Variants in GPR139 observed in about 807,000 individuals in gnomAD.
The protein encoded by GPR139 is G protein-coupled receptor 139.
GPR139 carries 12 observed loss-of-function variants against 25.8 expected under a neutral mutation model. The observed-to-expected ratio is 0.47, with a 90% CI of 0.30 to 0.75. The LOEUF (loss-of-function observed/expected upper bound fraction) is 0.75, where lower values mean the gene tolerates loss of function less well. Among genes scored for constraint, GPR139 ranks in the 30% least tolerant of loss-of-function variants. The pLI is 0.07. For missense variants in GPR139, 380 were observed against 450.2 expected (o/e 0.84, Z 1.41); for synonymous variants, 184 against 179.9 (o/e 1.02, Z -0.18).
chr16:20,070,991 C>T (rs2057457667), intron 1 of GPR139: 1 of 985,378 alleles, frequency 1.0e-6, no homozygotes, highest in Non-Finnish European at 1.2e-6. Flanking sequence ...AAGCAGACCG[C>T]CCTCCTTACA....
chr16:20,032,547 C>T lies in GPR139; in HGVS notation c.250G>A (p.Asp84Asn), dbSNP rs777082356. 1.2e-6 allele frequency: 2 copies of T among 1,614,024 alleles called. No individual in the cohort carries two copies. Among genetic ancestry groups the T allele is most frequent in the East Asian group, 4.5e-5 (2 of 44,884 alleles). Residue 84 changes from aspartate (D) to asparagine (N), a missense_variant, in exon 2 of 2, where the codon GAC becomes AAC. Physicochemically the swap from Asp to Asn is conservative, Grantham distance 23. Coordinates refer to ENST00000570682, the MANE Select transcript of GPR139 (RefSeq NM_001002911.4). ...AAGATGAAATCTTCCAACAGGAAGT[C>T]CACAAACACTATGAAAAAGAGGACC... ...ILVLFFIVFV[D>N]FLLEDFILNM... is the part of the protein sequence containing the mutation.
intron 1 of GPR139, among the ~76,000 whole-genome samples, chr16:20,052,788 C>CAAAAAAAA (rs56189908): frequency 3.2e-3 from 388 of 121,896 alleles, no homozygotes; most frequent in African/African-American, 0.01. Flanking sequence ...GACTCCATCT[C>CAAAAAAAA]AAAAAAAAAA....
At position 20,031,587 on chromosome 16, in the gene GPR139, T is replaced by C; in HGVS notation, c.*148A>G. ...CTCTCCTTTCTTCTCTTCCATCTCTTCTCATCTACCAGTCTGAGAATTGCC... is the reference window on the plus strand; with the variant it reads ...CTCTCCTTTCTTCTCTTCCATCTCTCCTCATCTACCAGTCTGAGAATTGCC... On this transcript the variant is annotated 3_prime_UTR_variant, in exon 2 of 2. Transcript: ENST00000570682. The C allele has an allele frequency of 1.5e-6, 1 of 654,736 alleles. No homozygotes were observed. The highest frequency in any genetic ancestry group is 2.7e-6 in the Non-Finnish European group (1 of 365,354). The allele number at this position is 654,736 out of a possible 1,614,324, so 40.6% of individuals were successfully genotyped here.
chr16:20,073,477 C>A lies in GPR139; in HGVS notation c.127+13G>T. 1 of 1,610,062 alleles carries A rather than the reference C, an allele frequency of 6.2e-7. No individual in the cohort carries two copies. Among genetic ancestry groups the A allele is most frequent in the Non-Finnish European group, 8.5e-7 (1 of 1,178,480 alleles). On this transcript the variant is annotated intron_variant, in intron 1 of 1. Transcript: ENST00000570682. This position sits in a 1 kb window ranked among gnomAD's most constrained non-coding sequence, Gnocchi z 4.7. ...GGTTCCTGGCTTCCCTCCCTCTCCC[C>A]CACGCCCCTCACCTGGTAAACCGAG...
At chr16:20,040,523 T>G (rs1213787025) in intron 1 of GPR139, among the ~76,000 whole-genome samples, 1 of 152,234 alleles carries the variant, frequency 6.6e-6, no homozygotes, top group Non-Finnish European at 1.5e-5. Flanking sequence ...ATTCACCTAT[T>G]GCTGGACGTT....
In GPR139 at chr16:20,073,476, C is replaced by T. The variant is rs1269079322; in HGVS notation, c.127+14G>A. The T allele has an allele frequency of 6.2e-7, 1 of 1,609,908 alleles. No individual in the cohort carries two copies. Among genetic ancestry groups the T allele is most frequent in the South Asian group, 1.1e-5 (1 of 89,964 alleles). ...GGGTTCCTGGCTTCCCTCCCTCTCC[C>T]CCACGCCCCTCACCTGGTAAACCGA... On this transcript the variant is annotated intron_variant, in intron 1 of 1. Transcript: ENST00000570682. The surrounding 1 kb of genome is among the most constrained non-coding windows in gnomAD (Gnocchi z 4.7).
At chr16:20,046,688 A>T (rs1596467037) in intron 1 of GPR139, among the ~76,000 whole-genome samples, 1 of 152,164 alleles carries the variant, frequency 6.6e-6, no homozygotes, top group Non-Finnish European at 1.5e-5. Context: ...AGAAACATGC[A>T]GGGGGAGATT....
chr16:20,073,630 G>T lies in GPR139; in HGVS notation c.-14C>A. ...CGTGTGCTCCATGAGCGCGCCCCTCGCTCCCCTTGCCGCTTCGCGCCCGGC... is the reference window on the plus strand; with the variant it reads ...CGTGTGCTCCATGAGCGCGCCCCTCTCTCCCCTTGCCGCTTCGCGCCCGGC... On this transcript the variant is annotated 5_prime_UTR_variant, in exon 1 of 2. Coordinates refer to ENST00000570682, the MANE Select transcript of GPR139 (RefSeq NM_001002911.4). This position sits in a 1 kb window ranked among gnomAD's most constrained non-coding sequence, Gnocchi z 4.7. 6.4e-7 allele frequency: 1 copy of T among 1,573,498 alleles called. No homozygotes were observed.
At chr16:20,055,380 T>G (rs991808114) in intron 1 of GPR139, among the ~76,000 whole-genome samples, 1 of 152,162 alleles carries the variant, frequency 6.6e-6, no homozygotes, top group Non-Finnish European at 1.5e-5. Flanking sequence ...ATGGTCACCT[T>G]TCCAACTCTG....
chr16:20,058,442 G>T (rs187754368), intron 1 of GPR139, among the ~76,000 whole-genome samples: 6 of 150,774 alleles, frequency 4.0e-5, no homozygotes, highest in Admixed American at 1.3e-4. Flanking sequence ...GAACAGAAGC[G>T]AGAGAAACAG....
chr16:20,065,577 A>T (rs147523265), intron 1 of GPR139, among the ~76,000 whole-genome samples: 2 of 152,192 alleles, frequency 1.3e-5, no homozygotes, highest in African/African-American at 4.8e-5. Context: ...TCAAAGAATC[A>T]TAAGTTAAAT....
At chr16:20,042,665 A>C (rs2057340299) in intron 1 of GPR139, among the ~76,000 whole-genome samples, 1 of 151,396 alleles carries the variant, frequency 6.6e-6, no homozygotes, top group African/African-American at 2.4e-5. Context: ...TAGCTCTTTA[A>C]TTTTCTTTGT....
intron 1 of GPR139, among the ~76,000 whole-genome samples, chr16:20,049,067 A>G (rs1042292305): frequency 6.6e-6 from 1 of 152,156 alleles, no homozygotes; most frequent in Non-Finnish European, 1.5e-5. Flanking sequence ...CATTTTTATG[A>G]TGCTATTCTT....
chr16:20,065,843 A>G lies in GPR139; in HGVS notation c.127+7647T>C, dbSNP rs184438777. Among the ~76,000 whole-genome samples, 13 of 150,400 alleles carry G rather than the reference A, an allele frequency of 8.6e-5. No individual in the cohort carries two copies. The East Asian group carries it at 2.6e-3, about 30-fold the overall frequency. ...AGCTGAAATCGCGCCACTGCACTCC[A>G]CACTCCAGCACGGGTGACACAGTGA... On this transcript the variant is annotated intron_variant, in intron 1 of 1. Coordinates refer to ENST00000570682, the MANE Select transcript of GPR139 (RefSeq NM_001002911.4).
chr16:20,066,917 T>G (rs1262854797), intron 1 of GPR139, among the ~76,000 whole-genome samples: 1 of 152,176 alleles, frequency 6.6e-6, no homozygotes, highest in Non-Finnish European at 1.5e-5. Context: ...TGGTCACAGA[T>G]TAGCAGTCAG....
At position 20,031,423 on chromosome 16, in the gene GPR139, C is replaced by T; in HGVS notation, c.*312G>A. ...TGTGGATGGTACCAGGGCGAAATCA[C>T]AGACTACTTCTCTACTTTGTGTCCT... On this transcript the variant is annotated 3_prime_UTR_variant, in exon 2 of 2. Coordinates refer to ENST00000570682, the MANE Select transcript of GPR139 (RefSeq NM_001002911.4). The T allele has an allele frequency of 2.9e-6, 1 of 350,782 alleles. No homozygotes were observed. The highest frequency in any genetic ancestry group is 3.9e-5 in the South Asian group (1 of 25,462). The allele number at this position is 350,782 out of a possible 1,614,324, so 21.7% of individuals were successfully genotyped here. A position where few individuals can be genotyped will look rare whatever the true frequency, so the allele number is the denominator to read the frequency against.
At position 20,035,566 on chromosome 16, in the gene GPR139, G is replaced by A. The variant is rs1439686979; in HGVS notation, c.128-2897C>T. 2.0e-5 allele frequency among the ~76,000 whole-genome samples: 3 copies of A among 152,316 alleles called. No homozygotes were observed. In the East Asian group the frequency reaches 5.8e-4, roughly 29 times the overall value. On this transcript the variant is annotated intron_variant, in intron 1 of 1. Coordinates refer to ENST00000570682, the MANE Select transcript of GPR139 (RefSeq NM_001002911.4). ...TTAGCCTGCATGGAGCTTAGATTCT[G>A]TTAGTCAAGAAAAACATCAGCTGAA...
chr16:20,035,678 T>C (rs1398168705), intron 1 of GPR139, among the ~76,000 whole-genome samples: 1 of 152,178 alleles, frequency 6.6e-6, no homozygotes, highest in African/African-American at 2.4e-5. Flanking sequence ...AAATCTTTAC[T>C]GAGATTTGGA....
chr16:20,061,119 C>A (rs2057411641), intron 1 of GPR139, among the ~76,000 whole-genome samples: 1 of 151,684 alleles, frequency 6.6e-6, no homozygotes, highest in Non-Finnish European at 1.5e-5. Flanking sequence ...AAAAATGGGT[C>A]TTTTTTGGTT....
Sources: allele counts gnomAD v4.1 joint callset (sites outside exome capture counted in the v4.1 genomes callset), GRCh38; gene constraint gnomAD v4.1.1; non-coding constraint Gnocchi (gnomAD v3.1); transcripts MANE v1.5; gene names NCBI Gene and HGNC (gene_info 2026-07-23, HGNC 2026-07-21).